Variants in TEX29 observed in about 807,000 individuals in gnomAD.
TEX29 encodes testis expressed 29.
A neutral mutation model predicts 18.2 loss-of-function variants in TEX29; 26 were observed. The ratio of observed to expected loss-of-function variants is 1.43; its 90% confidence interval spans 1.04 to 1.98. The LOEUF (loss-of-function observed/expected upper bound fraction) is 1.98, where lower values mean the gene tolerates loss of function less well. Ranked by LOEUF, TEX29 falls within the 30% of genes most tolerant of loss-of-function variation. The pLI is 0.00. For missense variants in TEX29, 177 were observed against 194.2 expected (o/e 0.91, Z 0.53); for synonymous variants, 83 against 78.5 (o/e 1.06, Z -0.31).
chr13:111,332,319 GT>G (rs1403199361), intron 3 of TEX29, among the ~76,000 whole-genome samples: 1 of 151,928 alleles, frequency 6.6e-6, no homozygotes. Flanking sequence ...AAATGGAATT[GT>G]TTTGTTCATT....
intron 3 of TEX29, among the ~76,000 whole-genome samples, chr13:111,338,104 CTT>C (rs2093692071): frequency 6.9e-6 from 1 of 145,264 alleles, no homozygotes; most frequent in Non-Finnish European, 1.6e-5. Context: ...CAGGAGGCCA[CTT>C]TCTCTGCACC....
At chr13:111,324,341 C>T (rs1420238915) in intron 2 of TEX29, among the ~76,000 whole-genome samples, 1 of 152,198 alleles carries the variant, frequency 6.6e-6, no homozygotes, top group Non-Finnish European at 1.5e-5. Flanking sequence ...CAGCCTGATG[C>T]CTGCCTTTCT....
intron 2 of TEX29, among the ~76,000 whole-genome samples, chr13:111,325,662 G>A (rs181981511): frequency 6.6e-5 from 10 of 152,158 alleles, no homozygotes; most frequent in South Asian, 6.2e-4. Flanking sequence ...AATGCATGGC[G>A]ACATTGTGGA....
chr13:111,320,340 C>T (rs956270528), upstream of TEX29, among the ~76,000 whole-genome samples: 3 of 152,300 alleles, frequency 2.0e-5, no homozygotes, highest in African/African-American at 4.8e-5. Context: ...CAGGAAGGAC[C>T]GGGACACAAA....
At chr13:111,323,527 C>A (rs890714852) in intron 2 of TEX29, among the ~76,000 whole-genome samples, 1 of 152,204 alleles carries the variant, frequency 6.6e-6, no homozygotes, top group African/African-American at 2.4e-5. Context: ...GGTGTGAGTT[C>A]TTCTCTGAGT....
chr13:111,337,654 A>T (rs1241565161), intron 3 of TEX29, among the ~76,000 whole-genome samples: 2 of 152,036 alleles, frequency 1.3e-5, no homozygotes, highest in East Asian at 3.9e-4. Context: ...TGGTTATGGT[A>T]GCCCCGGATA....
chr13:111,323,868 C>T (rs1157001954), intron 2 of TEX29, among the ~76,000 whole-genome samples: 1 of 152,266 alleles, frequency 6.6e-6, no homozygotes, highest in Admixed American at 6.5e-5. Flanking sequence ...CCTCCTCCTC[C>T]TCCTTCTCAC....
At chr13:111,330,595 C>T (rs1479352996) in intron 3 of TEX29, among the ~76,000 whole-genome samples, 1 of 152,206 alleles carries the variant, frequency 6.6e-6, no homozygotes, top group Non-Finnish European at 1.5e-5. Flanking sequence ...AGATACTATA[C>T]CATAAAATTC....
upstream of TEX29, chr13:111,320,546 G>A (rs1353423337): frequency 2.2e-5 from 8 of 370,172 alleles, no homozygotes; most frequent in Non-Finnish European, 3.5e-5. Context: ...ACACGCACAC[G>A]GCTCCGAAGT....
upstream of TEX29, among the ~76,000 whole-genome samples, chr13:111,317,399 G>A (rs1480734976): frequency 6.6e-6 from 1 of 152,170 alleles, no homozygotes; most frequent in Admixed American, 6.5e-5. Flanking sequence ...ATGCAGGAAA[G>A]CCAGGCCTGA....
chr13:111,320,429 G>A (rs2093661881), upstream of TEX29, among the ~76,000 whole-genome samples: 1 of 152,196 alleles, frequency 6.6e-6, no homozygotes, highest in South Asian at 2.1e-4. Flanking sequence ...CAGGGAAGGT[G>A]GGACTCAGCC....
At chr13:111,343,942 C>G (rs556650354) in intron 5 of TEX29, 141 bp from the exon 6 acceptor site, 2 of 701,866 alleles carry the variant, frequency 2.8e-6, no homozygotes, top group Non-Finnish European at 5.1e-6. Flanking sequence ...TAGGAGGATA[C>G]GGCCATCCCC....
upstream of TEX29, among the ~76,000 whole-genome samples, chr13:111,317,478 CA>C (rs2093656457): frequency 6.6e-6 from 1 of 152,188 alleles, no homozygotes; most frequent in Non-Finnish European, 1.5e-5. Context: ...TCCCCAGGCC[CA>C]CCTCCAGTCT....
chr13:111,316,704 G>T (rs372085089), upstream of TEX29, among the ~76,000 whole-genome samples: 22 of 152,212 alleles, frequency 1.4e-4, no homozygotes, highest in African/African-American at 4.8e-4. Flanking sequence ...GATGCACATT[G>T]TCTGGGCTCT....
At chr13:111,337,122 C>T (rs954533545) in intron 3 of TEX29, among the ~76,000 whole-genome samples, 1 of 152,194 alleles carries the variant, frequency 6.6e-6, no homozygotes, top group African/African-American at 2.4e-5. Context: ...CATTTCAATT[C>T]GATCGATTCT....
At chr13:111,325,693 G>A (rs749434379) in intron 2 of TEX29, among the ~76,000 whole-genome samples, 1 of 152,192 alleles carries the variant, frequency 6.6e-6, no homozygotes, top group Non-Finnish European at 1.5e-5. Context: ...GGAAAATAAC[G>A]GTGGGTGTGG....
upstream of TEX29, among the ~76,000 whole-genome samples, chr13:111,317,713 C>T (rs1016095962): frequency 1.3e-5 from 2 of 152,242 alleles, no homozygotes. Context: ...GCTGGCTCTG[C>T]GGCCACAATC....
At chr13:111,326,250 G>A (rs1277185371) in intron 2 of TEX29, among the ~76,000 whole-genome samples, 1 of 135,040 alleles carries the variant, frequency 7.4e-6, no homozygotes, top group African/African-American at 2.8e-5. Context: ...TGCGGGCAAC[G>A]CGAGCCTGGC....
chr13:111,330,390 A>T (rs528417531), intron 3 of TEX29, among the ~76,000 whole-genome samples: 1 of 152,158 alleles, frequency 6.6e-6, no homozygotes, highest in Non-Finnish European at 1.5e-5. Flanking sequence ...AGAGGTCACA[A>T]TGGATACCAC....
Sources: gnomAD v4.1 joint callset for allele counts (sites outside exome capture counted in the v4.1 genomes callset) on GRCh38, gnomAD v4.1.1 for gene constraint, MANE v1.5 for transcripts, NCBI Gene and HGNC (gene_info 2026-07-23, HGNC 2026-07-21) for gene names.